The following RPTOR variants were observed in gnomAD, a reference collection of about 807,000 sequenced individuals.
RPTOR encodes the protein regulatory-associated protein of mTOR.
Under a neutral mutation model 169.9 loss-of-function variants are expected in RPTOR, and 21 were observed. That is an observed-to-expected ratio of 0.12 (90% confidence interval 0.09 to 0.18). The LOEUF is 0.18. Ranked by LOEUF, RPTOR falls within the 10% of genes least tolerant of loss-of-function variation. The pLI is 1.00. For synonymous variants in RPTOR, 732 were observed against 753.2 expected (o/e 0.97, Z 0.46); for missense variants, 1,133 against 1,855.9 (o/e 0.61, Z 7.16).
In RPTOR at chr17:80,895,544, G is replaced by T. The variant is rs1451440411; in HGVS notation, c.2401+1679G>T. Among the ~76,000 whole-genome samples the T allele has an allele frequency of 3.3e-5, 5 of 152,364 alleles. No homozygotes were observed. In the South Asian group the frequency reaches 6.2e-4, roughly 19 times the overall value. Reference sequence around the variant, plus strand: ...CCACCCTGTCCACACCCAGTGCCTGGTACGCAGTAGGTGCTCAATACACAT... The same window carrying T: ...CCACCCTGTCCACACCCAGTGCCTGTTACGCAGTAGGTGCTCAATACACAT... On this transcript the variant is annotated intron_variant, in intron 20 of 33. Coordinates refer to ENST00000306801, the MANE Select transcript of RPTOR (RefSeq NM_020761.3).
At chr17:80,704,116 G>C (rs1318585978) in intron 3 of RPTOR, among the ~76,000 whole-genome samples, 1 of 152,172 alleles carries the variant, frequency 6.6e-6, no homozygotes, top group African/African-American at 2.4e-5. Flanking sequence ...CCCGTCCTAC[G>C]TGTCCGCCAT....
intron 3 of RPTOR, among the ~76,000 whole-genome samples, chr17:80,665,394 T>A (rs1567846052): frequency 1.8e-4 from 2 of 11,144 alleles, no homozygotes; most frequent in Non-Finnish European, 2.9e-4. Flanking sequence ...TTTCCTTTCC[T>A]TTCCTTTCCT....
chr17:80,558,196 A>G (rs2084435091), intron 1 of RPTOR, among the ~76,000 whole-genome samples: 1 of 152,070 alleles, frequency 6.6e-6, no homozygotes, highest in South Asian at 2.1e-4. Flanking sequence ...AGCTACTCGG[A>G]TGGCTGAGTC....
intron 25 of RPTOR, among the ~76,000 whole-genome samples, chr17:80,945,161 G>A (rs1197949291): frequency 2.6e-5 from 4 of 151,992 alleles, no homozygotes; most frequent in African/African-American, 7.2e-5. Flanking sequence ...CAGGTGTGGC[G>A]GTGCGCGCCT....
intron 7 of RPTOR, among the ~76,000 whole-genome samples, chr17:80,819,564 T>C (rs986904109): frequency 6.6e-6 from 1 of 152,200 alleles, no homozygotes; most frequent in African/African-American, 2.4e-5. Context: ...CTACATCCCA[T>C]TTCCCCATCT....
chr17:80,928,009 G>A (rs971800789), intron 24 of RPTOR, among the ~76,000 whole-genome samples: 9 of 152,212 alleles, frequency 5.9e-5, no homozygotes, highest in Admixed American at 3.3e-4. Flanking sequence ...ATCAGGAAAC[G>A]GTTGCTGAAT....
chr17:80,937,893 C>CA (rs1404304389), intron 24 of RPTOR, among the ~76,000 whole-genome samples: 1 of 152,250 alleles, frequency 6.6e-6, no homozygotes, highest in Admixed American at 6.5e-5. Context: ...TCCACTTCTG[C>CA]CCATGCTTGT....
At chr17:80,569,681 G>A (rs1468145265) in intron 1 of RPTOR, among the ~76,000 whole-genome samples, 1 of 152,148 alleles carries the variant, frequency 6.6e-6, no homozygotes, top group Non-Finnish European at 1.5e-5. Context: ...TGTGACAGTG[G>A]TAAAGTTGAG....
chr17:80,779,653 G>A (rs193289823), intron 6 of RPTOR, among the ~76,000 whole-genome samples: 6 of 152,178 alleles, frequency 3.9e-5, no homozygotes, highest in South Asian at 4.2e-4. Flanking sequence ...CCTCAGTGGC[G>A]CATGTCTGGA....
At chr17:80,605,496 G>A (rs1020623051) in intron 1 of RPTOR, among the ~76,000 whole-genome samples, 1 of 152,086 alleles carries the variant, frequency 6.6e-6, no homozygotes, top group Non-Finnish European at 1.5e-5. Flanking sequence ...ATGAGTTGAG[G>A]AAACCGTGTC....
rs968701130 is a variant in RPTOR at position 80,674,805 on chromosome 17, A to C, written c.348+30995A>C. Among the ~76,000 whole-genome samples the C allele has an allele frequency of 1.4e-3, 148 of 107,554 alleles. 2 individuals carry two copies. The highest frequency in any genetic ancestry group is 2.1e-3 in the Non-Finnish European group (110 of 53,504). 70.6% of individuals were successfully genotyped at this position (107,554 alleles called of 152,430 possible). On this transcript the variant is annotated intron_variant, in intron 3 of 33. Transcript: ENST00000306801. ...TCTGTCTCAAAAAAAAAAAAAAAAA[A>C]AAAAAAAAAAAAAAAAAAAACAACT...
chr17:80,709,337 C>G (rs1393481885), intron 4 of RPTOR, among the ~76,000 whole-genome samples: 1 of 152,220 alleles, frequency 6.6e-6, no homozygotes, highest in Non-Finnish European at 1.5e-5. Context: ...CCTTTCCCTG[C>G]CCTCCCCTGT....
intron 6 of RPTOR, among the ~76,000 whole-genome samples, chr17:80,764,112 CTTTTGTTATTTTATTTTATT>C (rs1338145250): frequency 2.0e-5 from 3 of 148,520 alleles, no homozygotes; most frequent in Non-Finnish European, 4.5e-5. Flanking sequence ...CGTATGACTT[CTTTTGTTATTTTATTTTATT>C]TTATTTTATT....
chr17:80,893,286 G>A (rs1341318281), intron 19 of RPTOR, among the ~76,000 whole-genome samples: 1 of 150,030 alleles, frequency 6.7e-6, no homozygotes, highest in Non-Finnish European at 1.5e-5. Flanking sequence ...GTACCAGGGT[G>A]TGTGTGCGCC....
intron 4 of RPTOR, among the ~76,000 whole-genome samples, chr17:80,715,884 G>T (rs2066235743): frequency 6.6e-6 from 1 of 152,166 alleles, no homozygotes; most frequent in South Asian, 2.1e-4. Context: ...AGGTCACTGT[G>T]AATGCTGTTA....
At chr17:80,718,145 C>G (rs1010735070) in intron 4 of RPTOR, among the ~76,000 whole-genome samples, 5 of 152,192 alleles carry the variant, frequency 3.3e-5, no homozygotes, top group Admixed American at 2.6e-4. Flanking sequence ...CTCATGGTGC[C>G]CTCTCTAGGT....
At chr17:80,570,049 C>G (rs1472154564) in intron 1 of RPTOR, among the ~76,000 whole-genome samples, 1 of 152,052 alleles carries the variant, frequency 6.6e-6, no homozygotes, top group East Asian at 1.9e-4. Context: ...TGGCTGTCTC[C>G]TCCTTGTTAC....
chr17:80,692,705 C>T (rs1246155640), intron 3 of RPTOR, among the ~76,000 whole-genome samples: 1 of 152,198 alleles, frequency 6.6e-6, no homozygotes, highest in Non-Finnish European at 1.5e-5. Context: ...TCAAGTGATC[C>T]TCCTGCCTCA....
intron 7 of RPTOR, among the ~76,000 whole-genome samples, chr17:80,806,759 TA>T (rs1297333905): frequency 6.6e-6 from 1 of 152,268 alleles, no homozygotes; most frequent in African/African-American, 2.4e-5. Flanking sequence ...GTCCCATTTT[TA>T]ATTAGGAATA....
Sources: gnomAD v4.1 joint callset for allele counts (sites outside exome capture counted in the v4.1 genomes callset) on GRCh38, gnomAD v4.1.1 for gene constraint, MANE v1.5 for transcripts, NCBI Gene and HGNC (gene_info 2026-07-23, HGNC 2026-07-21) for gene names.